Variants in CHODL observed in about 807,000 individuals in gnomAD.
CHODL encodes the protein transmembrane protein MT75.
Under a neutral mutation model 34.5 loss-of-function variants are expected in CHODL, and 29 were observed. The ratio of observed to expected loss-of-function variants is 0.84; its 90% CI spans 0.63 to 1.15. The LOEUF is 1.15. CHODL is among the 50% of genes most tolerant of loss of function. The probability of loss-of-function intolerance (pLI) is 0.00; values close to 1 mark genes in which losing one functional copy is unlikely to be tolerated. For missense variants in CHODL, 332 were observed against 332.5 expected (o/e 1.00, Z 0.01); for synonymous variants, 125 against 116.1 (o/e 1.08, Z -0.49).
chr21:18,223,685 A>G (rs903184143), intron 2 of CHODL, among the ~76,000 whole-genome samples: 3 of 152,074 alleles, frequency 2.0e-5, no homozygotes, highest in African/African-American at 7.2e-5. Context: ...CCTCAAACCC[A>G]CCAGCACCAA....
At chr21:18,162,411 T>TCTCTCTCTC (rs2073105496) in intron 2 of CHODL, among the ~76,000 whole-genome samples, 3 of 147,918 alleles carry the variant, frequency 2.0e-5, no homozygotes, top group African/African-American at 7.5e-5. Context: ...ACGTGGTGTT[T>TCTCTCTCTC]TCTCTCTCTC....
chr21:18,003,920 A>T (rs907269954), intron 1 of CHODL, among the ~76,000 whole-genome samples: 5 of 152,192 alleles, frequency 3.3e-5, no homozygotes, highest in African/African-American at 1.2e-4. Flanking sequence ...AATAATTCTC[A>T]TTATATATTA....
intron 2 of CHODL, among the ~76,000 whole-genome samples, chr21:18,030,516 G>A (rs564678021): frequency 6.6e-6 from 1 of 152,226 alleles, no homozygotes; most frequent in East Asian, 1.9e-4. Context: ...ATAACTGCTC[G>A]TCGTTTTCCA....
chr21:17,946,178 G>A (rs961339014), intron 1 of CHODL, among the ~76,000 whole-genome samples: 1 of 152,216 alleles, frequency 6.6e-6, no homozygotes, highest in Non-Finnish European at 1.5e-5. Context: ...AGCACTTTGG[G>A]AGGCCAAGGC....
chr21:17,939,829 A>G (rs1432181217), intron 1 of CHODL, among the ~76,000 whole-genome samples: 1 of 152,306 alleles, frequency 6.6e-6, no homozygotes, highest in East Asian at 1.9e-4. Context: ...TTTTCTTCTG[A>G]AGTAGAATTC....
intron 1 of CHODL, among the ~76,000 whole-genome samples, chr21:17,951,633 T>A (rs2146342336): frequency 6.6e-6 from 1 of 152,320 alleles, no homozygotes; most frequent in East Asian, 1.9e-4. Context: ...CAAGAGATAT[T>A]TGAATGTATA....
chr21:18,223,862 T>A (rs1265560831), intron 2 of CHODL, among the ~76,000 whole-genome samples: 1 of 152,166 alleles, frequency 6.6e-6, no homozygotes, highest in East Asian at 1.9e-4. Context: ...TAGGAAAGGG[T>A]ATATTCATTA....
At chr21:17,977,829 A>T (rs202415) in intron 1 of CHODL, among the ~76,000 whole-genome samples, 1 of 144,902 alleles carries the variant, frequency 6.9e-6, no homozygotes. Flanking sequence ...TGAGGCAGGA[A>T]AATCACTTGA....
rs2074117380 is a variant in CHODL at position 18,244,855 on chromosome 21, A to G, written c.-369A>G. The G allele has an allele frequency of 4.6e-6, 1 of 218,248 alleles. No individual in the cohort carries two copies. The highest frequency in any genetic ancestry group is 2.3e-5 in the African/African-American group (1 of 43,554). 13.5% of individuals were successfully genotyped at this position (218,248 alleles called of 1,614,324 possible). ...GCTGCTGCTGCTGTGATCCAGGACC[A>G]GGGCGCACCGGCTCAGCCTCTCACT... is the stretch of plus-strand genomic sequence containing the variant. On this transcript the variant is annotated 5_prime_UTR_variant, in exon 1 of 6. Coordinates refer to ENST00000299295, the MANE Select transcript of CHODL (RefSeq NM_024944.3).
intron 2 of CHODL, among the ~76,000 whole-genome samples, chr21:18,064,768 C>T (rs2064711304): frequency 6.6e-6 from 1 of 152,140 alleles, no homozygotes; most frequent in Non-Finnish European, 1.5e-5. Context: ...CACATGCGCG[C>T]ACACACACGT....
At chr21:18,137,589 C>CCAGG (rs1246719216) in intron 2 of CHODL, among the ~76,000 whole-genome samples, 1 of 152,156 alleles carries the variant, frequency 6.6e-6, no homozygotes, top group Non-Finnish European at 1.5e-5. Flanking sequence ...TTATGCTATA[C>CCAGG]CAGGCCATGG....
At chr21:18,191,340 G>A (rs1466923068) in intron 2 of CHODL, among the ~76,000 whole-genome samples, 1 of 152,006 alleles carries the variant, frequency 6.6e-6, no homozygotes, top group Non-Finnish European at 1.5e-5. Context: ...TGAGTCAGTT[G>A]AAGATAAAAA....
intron 2 of CHODL, among the ~76,000 whole-genome samples, chr21:18,225,982 A>G (rs1202060242): frequency 1.3e-5 from 2 of 152,200 alleles, no homozygotes; most frequent in South Asian, 4.1e-4. Context: ...TACAGAGATA[A>G]TATACACCTC....
intron 2 of CHODL, among the ~76,000 whole-genome samples, chr21:18,154,728 C>G (rs1313916793): frequency 6.6e-6 from 1 of 152,108 alleles, no homozygotes; most frequent in African/African-American, 2.4e-5. Flanking sequence ...AGAATTCTTC[C>G]TACCACAGCT....
intron 2 of CHODL, among the ~76,000 whole-genome samples, chr21:18,160,218 T>C (rs1012991477): frequency 1.3e-5 from 2 of 152,218 alleles, no homozygotes; most frequent in African/African-American, 4.8e-5. Context: ...GTTACATAAC[T>C]GGTAAGTTAA....
intron 2 of CHODL, among the ~76,000 whole-genome samples, chr21:18,183,071 A>T (rs1445485234): frequency 2.6e-5 from 4 of 152,212 alleles, no homozygotes; most frequent in Non-Finnish European, 5.9e-5. Flanking sequence ...GAGGACAACC[A>T]CTAAAAACCT....
chr21:17,975,148 A>G (rs989668346), intron 1 of CHODL, among the ~76,000 whole-genome samples: 1 of 152,046 alleles, frequency 6.6e-6, no homozygotes, highest in Admixed American at 6.6e-5. Context: ...CAAGATGGTG[A>G]AAGATTATGT....
intron 1 of CHODL, 81 bp from the exon 2 acceptor site, chr21:18,256,428 G>A: frequency 2.3e-6 from 3 of 1,281,346 alleles, no homozygotes. Context: ...TGCTTTGACT[G>A]GTTCTTACAT....
At position 17,967,943 on chromosome 21, in the gene CHODL, C is replaced by A. The variant is rs919760257; in HGVS notation, c.-145+50543C>A. Among the ~76,000 whole-genome samples the A allele has an allele frequency of 2.0e-5, 3 of 152,134 alleles. No individual in the cohort carries two copies. In the East Asian group the frequency reaches 5.8e-4, roughly 29 times the overall value. ...TGGTCACTTAACTGTGTAGTTCAAT[C>A]TTGGTCCCTTCAGAACCCATGAGTG... On this transcript the variant is annotated intron_variant, in intron 1 of 6. Transcript: ENST00000400127.
Sources: gnomAD v4.1 joint callset for allele counts (sites outside exome capture counted in the v4.1 genomes callset) on GRCh38, gnomAD v4.1.1 for gene constraint, MANE v1.5 for transcripts, NCBI Gene and HGNC (gene_info 2026-07-23, HGNC 2026-07-21) for gene names.